Variants in PTPN9 observed in about 807,000 individuals in gnomAD.
The protein encoded by PTPN9 is tyrosine-protein phosphatase non-receptor type 9.
Under a neutral mutation model 69.8 loss-of-function variants are expected in PTPN9, and 26 were observed. That is an observed-to-expected ratio of 0.37 (90% CI 0.27 to 0.52). The LOEUF is 0.52. Ranked by LOEUF, PTPN9 falls within the 20% of genes least tolerant of loss-of-function variation. PTPN9 has a pLI of 0.91. For synonymous variants in PTPN9, 274 were observed against 272.5 expected (o/e 1.01, Z -0.05); for missense variants, 549 against 740.3 (o/e 0.74, Z 3.00).
intron 1 of PTPN9, among the ~76,000 whole-genome samples, chr15:75,568,857 A>T (rs986591215): frequency 2.6e-5 from 4 of 152,126 alleles, no homozygotes; most frequent in African/African-American, 9.7e-5. Context: ...AATTTTAAAA[A>T]GTGAACCAAA....
At chr15:75,562,070 CTCA>C (rs2075106162) in intron 1 of PTPN9, among the ~76,000 whole-genome samples, 1 of 152,062 alleles carries the variant, frequency 6.6e-6, no homozygotes, top group Admixed American at 6.6e-5. Flanking sequence ...CCAGGTTGGT[CTCA>C]AACTCCTGGC....
intron 1 of PTPN9, among the ~76,000 whole-genome samples, chr15:75,542,343 A>T (rs1347567507): frequency 6.6e-6 from 1 of 152,230 alleles, no homozygotes; most frequent in African/African-American, 2.4e-5. Context: ...CCAAATAACC[A>T]TGAAGAAAGG....
chr15:75,513,418 A>G (rs1360959300), intron 5 of PTPN9: 3 of 455,812 alleles, frequency 6.6e-6, no homozygotes, highest in African/African-American at 6.0e-5. Context: ...GTTTCTCCAA[A>G]TCAGTAGAAC....
In PTPN9 at chr15:75,545,029, C is replaced by T. The variant is rs182364321; in HGVS notation, c.64-17768G>A. Among the ~76,000 whole-genome samples, 703 of 152,288 alleles carry T rather than the reference C, an allele frequency of 4.6e-3. 7 individuals are homozygous for T. The highest frequency in any genetic ancestry group is 7.3e-3 in the Non-Finnish European group (494 of 68,038). On this transcript the variant is annotated intron_variant, in intron 1 of 12. Coordinates refer to ENST00000618819, the MANE Select transcript of PTPN9 (RefSeq NM_002833.4). ...CTACTGCTTTCCAGCCAAGCACTGA[C>T]CAAACAGTATTATAAAGCATGTTAT...
At chr15:75,480,247 T>A (rs1413090823) in intron 8 of PTPN9, among the ~76,000 whole-genome samples, 1 of 152,088 alleles carries the variant, frequency 6.6e-6, no homozygotes, top group East Asian at 1.9e-4. Context: ...AGGCAAAGCT[T>A]TCACAGATAT....
chr15:75,527,210 CAT>C lies in PTPN9; in HGVS notation c.113_114del (p.Asn38SerfsTer19). On this transcript the variant is annotated frameshift_variant, in exon 2 of 13. Transcript: ENST00000618819. LOFTEE classifies it high-confidence loss of function. ...GCCACATTCCAAGACAGCGGGGAAA[CAT>C]TGTACTGAACTGTCCACTTGTTAAT... The part of the protein sequence containing the change: ...EEINKWTVQY[N>X]VSPLSWNVAV... 1 of 1,614,166 alleles carries C rather than the reference CAT, an allele frequency of 6.2e-7. No individual in the cohort carries two copies.
intron 1 of PTPN9, among the ~76,000 whole-genome samples, chr15:75,527,837 C>T (rs2074937333): frequency 7.0e-6 from 1 of 142,154 alleles, no homozygotes; most frequent in African/African-American, 2.6e-5. Flanking sequence ...GCCTGGGCAA[C>T]AAGAGCGAAA....
At chr15:75,479,079 C>T (rs1159443871) in intron 9 of PTPN9, among the ~76,000 whole-genome samples, 2 of 152,148 alleles carry the variant, frequency 1.3e-5, no homozygotes, top group Admixed American at 6.5e-5. Context: ...GAGGCCGAAG[C>T]GGGCAGATCA....
Position 75,560,158 on chromosome 15 carries a change from T to G in PTPN9, c.63+18556A>C, listed in dbSNP as rs1000136882. On this transcript the variant is annotated intron_variant, in intron 1 of 12. Coordinates refer to ENST00000618819, the MANE Select transcript of PTPN9 (RefSeq NM_002833.4). Reference sequence around the variant, plus strand: ...CCATCTCAAAAAAAAAAAAAAAAATTTATCTGATAACTTAATTCCATAATA... The same window carrying G: ...CCATCTCAAAAAAAAAAAAAAAAATGTATCTGATAACTTAATTCCATAATA... Among the ~76,000 whole-genome samples the G allele has an allele frequency of 9.2e-5, 14 of 151,448 alleles. No homozygotes were observed. The South Asian group carries it at 1.0e-3, about 11-fold the overall frequency.
intron 1 of PTPN9, among the ~76,000 whole-genome samples, chr15:75,559,436 T>G (rs2075093716): frequency 6.6e-6 from 1 of 152,204 alleles, no homozygotes; most frequent in Non-Finnish European, 1.5e-5. Flanking sequence ...GGAGGAATTC[T>G]TCTGCCTTGG....
chr15:75,523,317 C>T (rs2074913303), intron 3 of PTPN9, 72 bp from the exon 4 acceptor site: 4 of 1,509,206 alleles, frequency 2.7e-6, no homozygotes, highest in Non-Finnish European at 2.7e-6. Context: ...GACTTATATA[C>T]TGGATAAGGG....
At chr15:75,488,237 C>T (rs565336857) in intron 8 of PTPN9, among the ~76,000 whole-genome samples, 21 of 152,018 alleles carry the variant, frequency 1.4e-4, no homozygotes, top group African/African-American at 3.4e-4. Flanking sequence ...GCTGAGATTG[C>T]GCCATTGCAC....
intron 1 of PTPN9, among the ~76,000 whole-genome samples, chr15:75,555,642 T>C (rs2075073813): frequency 6.6e-6 from 1 of 151,860 alleles, no homozygotes; most frequent in African/African-American, 2.4e-5. Flanking sequence ...GTAGCTGGGA[T>C]TACAGGCGTG....
chr15:75,527,382 G>A (rs184140006), intron 1 of PTPN9, 121 bp from the exon 2 acceptor site: 558 of 1,098,918 alleles, frequency 5.1e-4, no homozygotes, highest in Non-Finnish European at 2.5e-4. Context: ...TTTGCTACAG[G>A]GAGCAGGGAA....
intron 1 of PTPN9, among the ~76,000 whole-genome samples, chr15:75,573,535 A>G (rs551946713): frequency 6.6e-6 from 1 of 152,228 alleles, no homozygotes; most frequent in Non-Finnish European, 1.5e-5. Context: ...CAATGCATAC[A>G]CAGCATATAA....
chr15:75,572,216 C>G lies in PTPN9; in HGVS notation c.63+6498G>C, dbSNP rs540076773. Among the ~76,000 whole-genome samples, 7 of 152,052 alleles carry G rather than the reference C, an allele frequency of 4.6e-5. 1 individual carries two copies. The East Asian group carries it at 1.4e-3, about 30-fold the overall frequency. On this transcript the variant is annotated intron_variant, in intron 1 of 12. Transcript: ENST00000618819. ...GCGTGGTGGCAGGTGCCTGTAATCC[C>G]AGCTACTCGGGAGGCCAAGGCATGA...
chr15:75,562,206 C>A (rs1050584007), intron 1 of PTPN9, among the ~76,000 whole-genome samples: 2 of 152,130 alleles, frequency 1.3e-5, no homozygotes, highest in Non-Finnish European at 2.9e-5. Context: ...AGAGCTACAG[C>A]CAGAGGCTTA....
chr15:75,575,711 A>T (rs190118544), intron 1 of PTPN9, among the ~76,000 whole-genome samples: 48 of 151,372 alleles, frequency 3.2e-4, no homozygotes, highest in African/African-American at 1.0e-3. Context: ...TGAGGTCAGG[A>T]GATCGAGACC....
intron 4 of PTPN9, among the ~76,000 whole-genome samples, chr15:75,522,328 T>G (rs1158323537): frequency 6.6e-6 from 1 of 152,318 alleles, no homozygotes; most frequent in East Asian, 1.9e-4. Flanking sequence ...TTTGCTTAAC[T>G]TTATACTTCT....
Sources: allele counts gnomAD v4.1 joint callset (sites outside exome capture counted in the v4.1 genomes callset), GRCh38; gene constraint gnomAD v4.1.1; transcripts MANE v1.5; gene names NCBI Gene and HGNC (gene_info 2026-07-23, HGNC 2026-07-21).